FRK: variants seen among roughly 807,000 people sequenced by gnomAD.
FRK encodes fyn related Src family tyrosine kinase.
A neutral mutation model predicts 56.4 loss-of-function variants in FRK; 51 were observed. The ratio of observed to expected loss-of-function variants is 0.90; its 90% CI spans 0.72 to 1.14. The LOEUF is 1.14. FRK is among the 50% of genes most tolerant of loss of function. FRK has a pLI of 0.00. For missense variants in FRK, 570 were observed against 601.4 expected (o/e 0.95, Z 0.55); for synonymous variants, 245 against 217.9 (o/e 1.12, Z -1.10).
At chr6:116,006,285 G>T (rs1424526929) in intron 1 of FRK, among the ~76,000 whole-genome samples, 1 of 152,104 alleles carries the variant, frequency 6.6e-6, no homozygotes, top group Non-Finnish European at 1.5e-5. Context: ...CAGGAACACG[G>T]CCTCTACATG....
chr6:115,932,748 C>T lies in FRK; in HGVS notation c.*9666G>A, dbSNP rs1270316114. The T allele has an allele frequency of 5.3e-5, 8 of 152,352 alleles. No individual in the cohort carries two copies. Among genetic ancestry groups the T allele is most frequent in the East Asian group, 1.9e-4 (1 of 5,186 alleles). 9.4% of individuals were successfully genotyped at this position (152,352 alleles called of 1,614,324 possible). On this transcript the variant is annotated 3_prime_UTR_variant, in exon 8 of 8. Coordinates refer to ENST00000606080, the MANE Select transcript of FRK (RefSeq NM_002031.3). ...ATGGAACACCAGCTGGGCTCTGCTTCCTTCAGGAAGCTCCAGCTGGGTAGT... is the reference window on the plus strand; with the variant it reads ...ATGGAACACCAGCTGGGCTCTGCTTTCTTCAGGAAGCTCCAGCTGGGTAGT...
intron 1 of FRK, among the ~76,000 whole-genome samples, chr6:116,012,693 TA>T (rs1775516066): frequency 6.6e-6 from 1 of 152,226 alleles, no homozygotes; most frequent in African/African-American, 2.4e-5. Flanking sequence ...TTCTGGTTTA[TA>T]CTGAACATTG....
chr6:115,975,022 C>T (rs1773942319), intron 2 of FRK, among the ~76,000 whole-genome samples: 2 of 152,134 alleles, frequency 1.3e-5, no homozygotes, highest in Admixed American at 1.3e-4. Context: ...AATGATATCA[C>T]TAACTCTTGT....
At chr6:116,038,877 G>A in intron 1 of FRK, 1 of 562,562 alleles carries the variant, frequency 1.8e-6, no homozygotes, top group Non-Finnish European at 3.5e-6. Context: ...GAGGTGGTTT[G>A]CACTCTCCCC....
In FRK at chr6:115,967,664, A is replaced by G; in HGVS notation, c.686T>C (p.Ile229Thr). ...LSYKTVDQWE[I>T]DRNSIQLLKR... ...CAGAAGCTGTATGGAGTTGCGGTCT[A>G]TCTCCCATTGGTCCACGGTTTTATA... Residue 229 changes from isoleucine to threonine, a missense_variant, in exon 4 of 8, where the codon ATA becomes ACA. Physicochemically the swap from Ile to Thr is moderately conservative, Grantham distance 89. Coordinates refer to ENST00000606080, the MANE Select transcript of FRK (RefSeq NM_002031.3). 6.2e-7 allele frequency: 1 copy of G among 1,613,614 alleles called. No homozygotes were observed. Among genetic ancestry groups the G allele is most frequent in the Non-Finnish European group, 8.5e-7 (1 of 1,179,700 alleles).
In FRK at chr6:115,942,349, G is replaced by C. The variant is rs113701747; in HGVS notation, c.*65C>G. 46 of 1,312,188 alleles carry C rather than the reference G, an allele frequency of 3.5e-5. No homozygotes were observed. The African/African-American group carries it at 3.6e-4, about 10-fold the overall frequency. 81.3% of individuals were successfully genotyped at this position (1,312,188 alleles called of 1,614,324 possible). A position where few individuals can be genotyped will look rare whatever the true frequency, so the allele number is the denominator to read the frequency against. ...GATTGTGCAGTTGGTTGATAACATT[G>C]TATTTTGGAATGGATTATTTGAATT... On this transcript the variant is annotated 3_prime_UTR_variant, in exon 8 of 8. Coordinates refer to ENST00000606080, the MANE Select transcript of FRK (RefSeq NM_002031.3).
chr6:115,991,281 G>T (rs1774594907), intron 2 of FRK, among the ~76,000 whole-genome samples: 1 of 151,720 alleles, frequency 6.6e-6, no homozygotes, highest in Non-Finnish European at 1.5e-5. Context: ...TTGTCTGATT[G>T]CTCTGGCTAC....
intron 1 of FRK, among the ~76,000 whole-genome samples, chr6:116,031,265 C>CT (rs1776296007): frequency 6.6e-6 from 1 of 151,928 alleles, no homozygotes; most frequent in Non-Finnish European, 1.5e-5. Flanking sequence ...AATATGTACA[C>CT]TGATTACTTT....
chr6:115,968,659 A>G lies in FRK; in HGVS notation c.547T>C (p.Phe183Leu). The G allele has an allele frequency of 6.2e-7, 1 of 1,613,840 alleles. No homozygotes were observed. Among genetic ancestry groups the G allele is most frequent in the South Asian group, 1.1e-5 (1 of 91,066 alleles). The change falls in exon 3 of 8, where the codon TTT becomes CTT. Residue 183 changes from phenylalanine to leucine, a missense_variant. Phe to Leu is a conservative substitution (Grantham distance 22). Transcript: ENST00000606080. ...CTCACAAATTCGTTCAGTGTTGAAA[A>G]GATTCTTCTTCGCGTGAGAAAAAAT... The part of the protein sequence containing the change: ...GGFFLTRRRI[F>L]STLNEFVSHY...
intron 1 of FRK, among the ~76,000 whole-genome samples, chr6:116,012,652 T>C (rs1022560494): frequency 1.3e-5 from 2 of 152,224 alleles, no homozygotes; most frequent in Non-Finnish European, 2.9e-5. Flanking sequence ...CATTAATACA[T>C]TGTACTTCAA....
At chr6:115,968,912 G>C (rs1396284542) in intron 2 of FRK, among the ~76,000 whole-genome samples, 173 bp from the exon 3 acceptor site, 3 of 152,112 alleles carry the variant, frequency 2.0e-5, no homozygotes, top group South Asian at 4.1e-4. Context: ...TAGAACAAAA[G>C]AGAGAGTGTG....
At chr6:116,056,977 C>T (rs1035840800) in intron 1 of FRK, among the ~76,000 whole-genome samples, 1 of 152,216 alleles carries the variant, frequency 6.6e-6, no homozygotes, top group African/African-American at 2.4e-5. Flanking sequence ...AACATCTCTA[C>T]TTCCAAGTAT....
the FRK span, among the ~76,000 whole-genome samples, chr6:116,094,347 A>C: frequency 6.6e-6 from 1 of 152,216 alleles, no homozygotes; most frequent in Non-Finnish European, 1.5e-5. Flanking sequence ...TAAGGGCCAG[A>C]AAATTGACTT....
chr6:116,096,767 A>C, the FRK span, among the ~76,000 whole-genome samples: 1 of 152,218 alleles, frequency 6.6e-6, no homozygotes, highest in Non-Finnish European at 1.5e-5. Flanking sequence ...AGCAGCGGCA[A>C]CCCACTCAGG....
chr6:116,087,778 ATGGCAC>A, the FRK span, among the ~76,000 whole-genome samples: 1 of 152,234 alleles, frequency 6.6e-6, no homozygotes, highest in Non-Finnish European at 1.5e-5. Flanking sequence ...ACTGTAGCAG[ATGGCAC>A]TGGTACTCTG....
chr6:116,007,960 T>C (rs1775312540), intron 1 of FRK, among the ~76,000 whole-genome samples: 1 of 152,126 alleles, frequency 6.6e-6, no homozygotes. Context: ...GGGATGATGG[T>C]GCAAAAATAA....
chr6:115,997,170 C>G (rs1468651545), intron 2 of FRK, among the ~76,000 whole-genome samples: 1 of 152,146 alleles, frequency 6.6e-6, no homozygotes, highest in East Asian at 1.9e-4. Context: ...AAAGGCAGTT[C>G]TACCATTTGT....
intron 1 of FRK, among the ~76,000 whole-genome samples, chr6:116,020,409 A>T (rs1213250520): frequency 2.0e-5 from 3 of 151,948 alleles, no homozygotes; most frequent in Non-Finnish European, 2.9e-5. Context: ...CTCCTGCCTC[A>T]GCCTCCCGAG....
At chr6:116,019,660 T>C (rs565918125) in intron 1 of FRK, among the ~76,000 whole-genome samples, 2 of 152,230 alleles carry the variant, frequency 1.3e-5, no homozygotes, top group Admixed American at 6.5e-5. Flanking sequence ...ATGAGAGAAA[T>C]TGCATGATTT....
Sources: allele counts gnomAD v4.1 joint callset (sites outside exome capture counted in the v4.1 genomes callset), GRCh38; gene constraint gnomAD v4.1.1; transcripts MANE v1.5; gene names NCBI Gene and HGNC (gene_info 2026-07-23, HGNC 2026-07-21).